SPAG17: variants seen among roughly 807,000 people sequenced by gnomAD.
SPAG17 encodes sperm associated antigen 17.
Under a neutral mutation model 273.6 loss-of-function variants are expected in SPAG17, and 169 were observed. The observed-to-expected ratio is 0.62, with a 90% CI of 0.55 to 0.70. The LOEUF is 0.70. Ranked by LOEUF, SPAG17 falls within the 30% of genes least tolerant of loss-of-function variation. The pLI is 0.00. For missense variants in SPAG17, 2,557 were observed against 2,627.8 expected (o/e 0.97, Z 0.59); for synonymous variants, 825 against 873.2 (o/e 0.94, Z 0.97).
At chr1:118,044,261 T>C (rs1486398815) in intron 20 of SPAG17, among the ~76,000 whole-genome samples, 4 of 151,858 alleles carry the variant, frequency 2.6e-5, no homozygotes, top group East Asian at 1.9e-4. Flanking sequence ...CCAAGGCGGG[T>C]GGATCACAAG....
intron 31 of SPAG17, among the ~76,000 whole-genome samples, chr1:118,005,910 A>C (rs1296537985): frequency 6.6e-6 from 1 of 152,132 alleles, no homozygotes; most frequent in Non-Finnish European, 1.5e-5. Flanking sequence ...CTGAGGTTAC[A>C]TACATGTTTG....
chr1:118,115,123 T>G (rs538418777), intron 4 of SPAG17, among the ~76,000 whole-genome samples, 187 bp downstream of exon 4: 1 of 152,166 alleles, frequency 6.6e-6, no homozygotes, highest in South Asian at 2.1e-4. Flanking sequence ...AACCTATTTT[T>G]AATGGGTTTA....
intron 31 of SPAG17, among the ~76,000 whole-genome samples, chr1:118,006,809 T>C (rs1217976192): frequency 2.0e-5 from 3 of 152,238 alleles, no homozygotes; most frequent in Admixed American, 1.3e-4. Flanking sequence ...AGTTTTCTAG[T>C]GGGTGTGAAG....
In SPAG17 at chr1:118,064,063, C is replaced by G. The variant is rs368232354; in HGVS notation, c.2540+2682G>C. 4.7e-3 allele frequency among the ~76,000 whole-genome samples: 712 copies of G among 152,040 alleles called. 5 individuals carry two copies. The highest frequency in any genetic ancestry group is 0.016 in the African/African-American group (672 of 41,516). On this transcript the variant is annotated intron_variant, in intron 18 of 48. Transcript: ENST00000336338. Reference sequence around the variant, plus strand: ...ACCATCTCACACCAGTTAGAATGGCCATCATTAAAAAGTCAGGAAACAACA... The same window carrying G: ...ACCATCTCACACCAGTTAGAATGGCGATCATTAAAAAGTCAGGAAACAACA...
rs141885828 is a variant in SPAG17, at chr1:118,102,273, A to C, written c.448-347T>G. On this transcript the variant is annotated intron_variant, in intron 4 of 48. Transcript: ENST00000336338. ...TTCTGAGTACATAATGGTGTCAGGAATTTAGGTTTATCTTTTAGTCTAGCC... is the reference window on the plus strand; with the variant it reads ...TTCTGAGTACATAATGGTGTCAGGACTTTAGGTTTATCTTTTAGTCTAGCC... Among the ~76,000 whole-genome samples, 876 of 152,308 alleles carry C rather than the reference A, an allele frequency of 5.8e-3. 8 individuals carry two copies. The highest frequency in any genetic ancestry group is 0.01 in the Middle Eastern group (3 of 294).
At chr1:118,097,191 C>T (rs1485077760) in intron 7 of SPAG17, among the ~76,000 whole-genome samples, 1 of 150,664 alleles carries the variant, frequency 6.6e-6, no homozygotes, top group Non-Finnish European at 1.5e-5. Flanking sequence ...GATCACACCA[C>T]TGCACTTCAG....
chr1:118,057,123 C>T (rs1416466410), intron 18 of SPAG17, among the ~76,000 whole-genome samples: 1 of 151,936 alleles, frequency 6.6e-6, no homozygotes, highest in Non-Finnish European at 1.5e-5. Context: ...ATTACAGGTG[C>T]CTGCCACCAT....
chr1:118,174,259 G>A (rs1660574661), intron 1 of SPAG17, among the ~76,000 whole-genome samples: 1 of 152,046 alleles, frequency 6.6e-6, no homozygotes, highest in African/African-American at 2.4e-5. Flanking sequence ...AATAAAATGA[G>A]AATATCAACA....
rs761548600 is a variant in SPAG17, at chr1:118,099,707, G to A, written c.728C>T (p.Pro243Leu). 1.2e-6 allele frequency: 2 copies of A among 1,613,822 alleles called. No individual in the cohort carries two copies. Among genetic ancestry groups the A allele is most frequent in the Non-Finnish European group, 8.5e-7 (1 of 1,179,926 alleles). ...LLAIMAELGIPITSVIKISSE... is the reference protein window; with the variant it reads ...LLAIMAELGILITSVIKISSE... Reference sequence around the variant, plus strand: ...AGATATTTTAATCACGCTGGTTATAGGAATGCCAAGCTCAGCCATAATTGC... The same window carrying A: ...AGATATTTTAATCACGCTGGTTATAAGAATGCCAAGCTCAGCCATAATTGC... The change falls in exon 6 of 49, where the codon CCT (proline) becomes CTT (leucine). Residue 243 changes from proline (P) to leucine (L), a missense_variant. Coordinates refer to ENST00000336338, the MANE Select transcript of SPAG17 (RefSeq NM_206996.4).
chr1:118,083,387 G>A (rs1373811687), intron 13 of SPAG17, among the ~76,000 whole-genome samples: 3 of 152,184 alleles, frequency 2.0e-5, no homozygotes, highest in African/African-American at 7.2e-5. Flanking sequence ...TTGAAAGCCT[G>A]TAGACCAGCT....
At chr1:117,955,150 C>G (rs1160279619) in intron 48 of SPAG17, 1 of 522,596 alleles carries the variant, frequency 1.9e-6, no homozygotes, top group Non-Finnish European at 3.3e-6. Context: ...GTTCAGTTGT[C>G]AACCCAGATC....
chr1:118,028,124 C>T (rs1647973762), intron 26 of SPAG17, 150 bp downstream of exon 26: 1 of 862,044 alleles, frequency 1.2e-6, no homozygotes, highest in African/African-American at 1.7e-5. Flanking sequence ...TAGACAGTGC[C>T]TGGCCATAGT....
chr1:117,972,776 GA>G (rs11289207), intron 44 of SPAG17, among the ~76,000 whole-genome samples: 82,317 of 151,354 alleles, frequency 0.54, 23,133 homozygotes, highest in African/African-American at 0.69. Context: ...TGCCATGGAA[GA>G]AAAAAAAAGA....
chr1:117,986,722 C>A (rs1656456487), intron 40 of SPAG17, among the ~76,000 whole-genome samples: 1 of 152,180 alleles, frequency 6.6e-6, no homozygotes, highest in Non-Finnish European at 1.5e-5. Context: ...TAGGGATATT[C>A]TGAAAATAAT....
chr1:118,135,432 G>C (rs2066447), intron 3 of SPAG17, among the ~76,000 whole-genome samples: 1 of 145,662 alleles, frequency 6.9e-6, no homozygotes, highest in East Asian at 2.0e-4. Context: ...TGTGTGTGTG[G>C]GGTATGGTGT....
intron 1 of SPAG17, among the ~76,000 whole-genome samples, chr1:118,177,058 AGGAAAGTTT>A (rs1660728382): frequency 6.6e-6 from 1 of 152,224 alleles, no homozygotes; most frequent in Non-Finnish European, 1.5e-5. Flanking sequence ...AAATATTAAG[AGGAAAGTTT>A]ATTGGAATAC....
rs372710959 is a variant in SPAG17 at position 118,150,560 on chromosome 1, C to T, written c.298G>A (p.Ala100Thr). Residue 100 changes from alanine (A) to threonine (T), a missense_variant, in exon 3 of 49, where the codon GCT becomes ACT. Ala to Thr is a moderately conservative substitution (Grantham distance 58). Coordinates refer to ENST00000336338, the MANE Select transcript of SPAG17 (RefSeq NM_206996.4). ...KKAKKPVGGN[A>T]PLYYEVLTAA... ...TCACTTACCTCATAATATAAAGGAG[C>T]ATTACCACCTACAGGTTTTTTTGCC... 8 of 1,571,810 alleles carry T rather than the reference C, an allele frequency of 5.1e-6. No individual in the cohort carries two copies. The highest frequency in any genetic ancestry group is 7.0e-6 in the Non-Finnish European group (8 of 1,147,948).
At chr1:118,011,122 G>A (rs574349195) in intron 30 of SPAG17, among the ~76,000 whole-genome samples, 2 of 152,260 alleles carry the variant, frequency 1.3e-5, no homozygotes, top group South Asian at 4.1e-4. Flanking sequence ...CACTGCTGGT[G>A]GGAATTTAAA....
chr1:117,981,342 G>A lies in SPAG17; in HGVS notation c.5932C>T (p.Pro1978Ser). 1 of 1,601,536 alleles carries A rather than the reference G, an allele frequency of 6.2e-7. No individual in the cohort carries two copies. Among genetic ancestry groups the A allele is most frequent in the Non-Finnish European group, 8.5e-7 (1 of 1,177,208 alleles). ...KSSSVPSLPK[P>S]EISADKKDFT... Reference sequence around the variant, plus strand: ...TCCTTCTTATCTGCAGAAATCTCTGGTTTTGGAAGACTAGGCACACTTGAG... The same window carrying A: ...TCCTTCTTATCTGCAGAAATCTCTGATTTTGGAAGACTAGGCACACTTGAG... Residue 1978 changes from proline (P) to serine (S), a missense_variant, in exon 43 of 49, where the codon CCA becomes TCA. By Grantham distance (74) the Pro-to-Ser change is moderately conservative. Transcript: ENST00000336338.
Sources: gnomAD v4.1 joint callset for allele counts (sites outside exome capture counted in the v4.1 genomes callset) on GRCh38, gnomAD v4.1.1 for gene constraint, MANE v1.5 for transcripts, NCBI Gene and HGNC (gene_info 2026-07-23, HGNC 2026-07-21) for gene names.